Variants in DBNL observed in about 807,000 individuals in gnomAD.
The protein encoded by DBNL is drebrin-like protein.
In DBNL, 35 loss-of-function variants were observed where a neutral mutation model predicts 62.2. The observed-to-expected ratio is 0.56, with a 90% CI of 0.43 to 0.75. The LOEUF is 0.75. Ranked by LOEUF, DBNL falls within the 30% of genes least tolerant of loss-of-function variation. DBNL has a pLI of 0.00. For synonymous variants in DBNL, 197 were observed against 218.0 expected (o/e 0.90, Z 0.85); for missense variants, 495 against 578.4 (o/e 0.86, Z 1.48).
chr7:44,048,469 C>T (rs762033455), intron 1 of DBNL, among the ~76,000 whole-genome samples: 3 of 152,252 alleles, frequency 2.0e-5, no homozygotes, highest in Non-Finnish European at 4.4e-5. Context: ...TATTCTGTCT[C>T]CCCTCCTGGT....
chr7:44,046,172 A>G (rs891082788), intron 1 of DBNL, among the ~76,000 whole-genome samples: 9 of 152,090 alleles, frequency 5.9e-5, no homozygotes, highest in Non-Finnish European at 1.3e-4. Flanking sequence ...CCCCATTTTC[A>G]TGTCCACATC....
At chr7:44,046,952 C>A (rs1416181720) in intron 1 of DBNL, among the ~76,000 whole-genome samples, 1 of 152,170 alleles carries the variant, frequency 6.6e-6, no homozygotes. Flanking sequence ...AACTTACAAG[C>A]TGGTTCCTCT....
intron 8 of DBNL, 80 bp downstream of exon 8, chr7:44,058,560 C>T (rs1238517982): frequency 6.4e-7 from 1 of 1,556,262 alleles, no homozygotes; most frequent in African/African-American, 1.4e-5. Context: ...AGGGCCCAGC[C>T]CAGACCTGGG....
chr7:44,058,771 A>G (rs944108754), intron 8 of DBNL, 131 bp from the exon 9 acceptor site: 10 of 1,002,896 alleles, frequency 1.0e-5, no homozygotes, highest in African/African-American at 1.6e-5. Flanking sequence ...CTCTCCTGAG[A>G]ACATGTTTTG....
rs2096146975 is a variant in DBNL at position 44,060,642 on chromosome 7, G to T, written c.1154-135G>T. The T allele has an allele frequency of 1.5e-6, 2 of 1,301,460 alleles. No individual in the cohort carries two copies. Among genetic ancestry groups the T allele is most frequent in the African/African-American group, 2.9e-5 (2 of 68,218 alleles). The allele number at this position is 1,301,460 out of a possible 1,614,324, so 80.6% of individuals were successfully genotyped here. On this transcript the variant is annotated intron_variant, in intron 12 of 12. Coordinates refer to ENST00000448521, the MANE Select transcript of DBNL (RefSeq NM_001014436.3). The surrounding 1 kb of genome is among the most constrained non-coding windows in gnomAD (Gnocchi z 6.3). Reference sequence around the variant, plus strand: ...GTGTTGGCCAAGGCTTAGCAGGGTGGCAGGGATATTTCTGAGGAGGAACCA... The same window carrying T: ...GTGTTGGCCAAGGCTTAGCAGGGTGTCAGGGATATTTCTGAGGAGGAACCA...
chr7:44,060,753 C>T lies in DBNL; in HGVS notation c.1154-24C>T. On this transcript the variant is annotated intron_variant, in intron 12 of 12. Coordinates refer to ENST00000448521, the MANE Select transcript of DBNL (RefSeq NM_001014436.3). This position sits in a 1 kb window ranked among gnomAD's most constrained non-coding sequence, Gnocchi z 6.3. Reference sequence around the variant, plus strand: ...GATGTGGGAGGGAGCCCCTGATATGCATCTGGGCTCATCCTCTTTGCAGCC... The same window carrying T: ...GATGTGGGAGGGAGCCCCTGATATGTATCTGGGCTCATCCTCTTTGCAGCC... The T allele has an allele frequency of 1.9e-6, 3 of 1,610,662 alleles. No homozygotes were observed. Among genetic ancestry groups the T allele is most frequent in the Non-Finnish European group, 2.5e-6 (3 of 1,177,890 alleles).
chr7:44,056,660 G>A (rs1461607299), intron 4 of DBNL, 97 bp from the exon 5 acceptor site: 12 of 1,492,594 alleles, frequency 8.0e-6, no homozygotes, highest in African/African-American at 1.4e-5. Flanking sequence ...CCAGTCCTGT[G>A]TGGTATAGTA....
At chr7:44,055,472 AAAC>A (rs1169175035) in intron 4 of DBNL, among the ~76,000 whole-genome samples, 1 of 152,192 alleles carries the variant, frequency 6.6e-6, no homozygotes, top group African/African-American at 2.4e-5. Context: ...TCTCAGAAAA[AAAC>A]CCAAAAAACC....
intron 4 of DBNL, among the ~76,000 whole-genome samples, chr7:44,055,324 C>T (rs2096134296): frequency 6.6e-6 from 1 of 152,098 alleles, no homozygotes; most frequent in Non-Finnish European, 1.5e-5. Context: ...AACAATTAGC[C>T]AGGTGTGGTG....
chr7:44,050,508 G>A (rs2096124770), intron 2 of DBNL: 3 of 441,962 alleles, frequency 6.8e-6, no homozygotes, highest in African/African-American at 6.1e-5. Flanking sequence ...TACTTGGGGA[G>A]AGCTGAGAGG....
rs555888713 is a variant in DBNL at position 44,067,136 on chromosome 7, C to G, written c.*6220C>G. 4.7e-4 allele frequency: 72 copies of G among 152,460 alleles called. No homozygotes were observed. Among genetic ancestry groups the G allele is most frequent in the African/African-American group, 1.7e-3 (71 of 41,552 alleles). 9.4% of individuals were successfully genotyped at this position (152,460 alleles called of 1,614,324 possible). On this transcript the variant is annotated 3_prime_UTR_variant, in exon 13 of 13. Transcript: ENST00000448521. ...TGAGGTGACATGTGAGTGGAAAGAG[C>G]GGAGTGCAAAGGCCTCAGCTATGAT...
chr7:44,058,354 G>A (rs547969086), intron 7 of DBNL, 74 bp downstream of exon 7: 1 of 1,608,376 alleles, frequency 6.2e-7, no homozygotes, highest in African/African-American at 1.3e-5. Context: ...ATCCCATGGA[G>A]GCGAGGAGGA....
chr7:44,058,995 C>T lies in DBNL; in HGVS notation c.835+12C>T. ...CAGTCCTCAGCCTGGTGAGCTCTCC[C>T]TTTGGGCCTGGCCATGAGGCAGCAG... On this transcript the variant is annotated intron_variant, in intron 9 of 12. Coordinates refer to ENST00000448521, the MANE Select transcript of DBNL (RefSeq NM_001014436.3). The T allele has an allele frequency of 6.2e-7, 1 of 1,613,770 alleles. No individual in the cohort carries two copies.
rs774772312 is a variant in DBNL at position 44,059,370 on chromosome 7, C to T, written c.852C>T (p.Pro284=). Residue 284 remains proline (P), a synonymous_variant, in exon 10 of 13, where the codon CCC becomes CCT. Transcript: ENST00000448521. This position sits in a 1 kb window ranked among gnomAD's most constrained non-coding sequence, Gnocchi z 4.1. ...SSPQPGKLRS[P]FLQKQLTQPE... is the part of the protein sequence containing the mutation. ...GGTTTGCAGGCAAGCTGAGGAGCCCCTTCCTGCAGAAGCAGCTCACCCAAC... is the reference window on the plus strand; with the variant it reads ...GGTTTGCAGGCAAGCTGAGGAGCCCTTTCCTGCAGAAGCAGCTCACCCAAC... 3.1e-6 allele frequency: 5 copies of T among 1,614,056 alleles called. No homozygotes were observed. The highest frequency in any genetic ancestry group is 3.4e-6 in the Non-Finnish European group (4 of 1,179,982).
At chr7:44,058,366 T>G in intron 7 of DBNL, 66 bp from the exon 8 acceptor site, 2 of 1,612,740 alleles carry the variant, frequency 1.2e-6, no homozygotes, top group Non-Finnish European at 1.7e-6. Context: ...CGAGGAGGAC[T>G]AAGGGGTGTG....
intron 2 of DBNL, chr7:44,050,553 T>C (rs2096124860): frequency 5.5e-6 from 2 of 364,786 alleles, no homozygotes; most frequent in East Asian, 6.0e-5. Flanking sequence ...GCAGCCTGCG[T>C]TGGGAGCTGC....
At chr7:44,055,059 A>G (rs997608077) in intron 4 of DBNL, among the ~76,000 whole-genome samples, 1 of 152,192 alleles carries the variant, frequency 6.6e-6, no homozygotes, top group Non-Finnish European at 1.5e-5. Flanking sequence ...TTGATTCCGT[A>G]TCTTGGCTAT....
At position 44,064,884 on chromosome 7, in the gene DBNL, C is replaced by T. The variant is rs774684004; in HGVS notation, c.*3968C>T. 5 of 1,609,464 alleles carry T rather than the reference C, an allele frequency of 3.1e-6. No individual in the cohort carries two copies. The highest frequency in any genetic ancestry group is 4.2e-6 in the Non-Finnish European group (5 of 1,178,476). ...GGCTGTTCCCGTGGGCTGCAATGAG[C>T]ACTCGCTTGCCGGCCTTGATCTGGG... On this transcript the variant is annotated 3_prime_UTR_variant, in exon 13 of 13. Transcript: ENST00000448521.
intron 1 of DBNL, among the ~76,000 whole-genome samples, chr7:44,049,619 C>T (rs1363567073): frequency 1.3e-5 from 2 of 152,190 alleles, no homozygotes; most frequent in African/African-American, 4.8e-5. Context: ...GATTTCATGT[C>T]GTGTCATTCC....
Sources: gnomAD v4.1 joint callset for allele counts (sites outside exome capture counted in the v4.1 genomes callset) on GRCh38, gnomAD v4.1.1 for gene constraint, Gnocchi (gnomAD v3.1) non-coding constraint, MANE v1.5 for transcripts, NCBI Gene and HGNC (gene_info 2026-07-23, HGNC 2026-07-21) for gene names.